The following TTC19 variants were observed in gnomAD, a reference collection of about 807,000 sequenced individuals.
TTC19 encodes tetratricopeptide repeat protein 19, mitochondrial.
A neutral mutation model predicts 49.5 loss-of-function variants in TTC19; 38 were observed. The observed-to-expected ratio is 0.77, with a 90% CI of 0.59 to 1.01. The LOEUF is 1.01. Ranked by LOEUF, TTC19 falls within the 50% of genes least tolerant of loss-of-function variation. The pLI, the probability that TTC19 is intolerant of heterozygous loss-of-function variation, is 0.00. For missense variants in TTC19, 475 were observed against 477.7 expected (o/e 0.99, Z 0.05); for synonymous variants, 204 against 185.2 (o/e 1.10, Z -0.83).
At position 15,999,894 on chromosome 17, in the gene TTC19, G is replaced by C. The variant is rs1282421008; in HGVS notation, c.46G>C (p.Ala16Pro). The part of the protein sequence containing the change: ...SWSLGRGFLR[A>P]AGRRCRGCSA... ...GAGCCTGGGCCGAGGCTTCCTGCGG[G>C]CCGCGGGGCGGCGGTGCCGGGGCTG... is the stretch of plus-strand genomic sequence containing the variant. Residue 16 changes from alanine (A) to proline (P), a missense_variant, in exon 1 of 10, where the codon GCC becomes CCC. By Grantham distance (27) the Ala-to-Pro change is conservative. Coordinates refer to ENST00000261647, the MANE Select transcript of TTC19 (RefSeq NM_017775.4). The C allele has an allele frequency of 2.1e-6, 3 of 1,400,454 alleles. No homozygotes were observed. Among genetic ancestry groups the C allele is most frequent in the Non-Finnish European group, 1.8e-6 (2 of 1,086,832 alleles). The allele number at this position is 1,400,454 out of a possible 1,614,324, so 86.8% of individuals were successfully genotyped here. A position where few individuals can be genotyped will look rare whatever the true frequency, so the allele number is the denominator to read the frequency against.
chr17:16,004,490 AAACT>A (rs368552103), intron 6 of TTC19, among the ~76,000 whole-genome samples: 59 of 152,338 alleles, frequency 3.9e-4, no homozygotes, highest in Middle Eastern at 3.4e-3. Flanking sequence ...CCCTGTGACA[AAACT>A]AACTAAGTTT....
In TTC19 at chr17:16,021,231, C is replaced by CA. The variant is rs543199910; in HGVS notation, c.677-3778dup. Among the ~76,000 whole-genome samples, 1,059 of 151,900 alleles carry CA rather than the reference C, an allele frequency of 7.0e-3. 8 individuals carry two copies. The highest frequency in any genetic ancestry group is 0.024 in the African/African-American group (999 of 41,436). Reference sequence around the variant, plus strand: ...TGAAACCCCGTCTCTAATAAAAATACAAAAAAAATTTAGCTGGGCGTGGTG... The same window carrying CA: ...TGAAACCCCGTCTCTAATAAAAATACAAAAAAAAATTTAGCTGGGCGTGGTG... On this transcript the variant is annotated intron_variant, in intron 7 of 9. Transcript: ENST00000261647.
At position 16,003,276 on chromosome 17, in the gene TTC19, G is replaced by A. The variant is rs567694053; in HGVS notation, c.462+445G>A. On this transcript the variant is annotated intron_variant, in intron 4 of 9. Transcript: ENST00000261647. ...TGACTGAATTTTTTTTTTAAGATAA[G>A]GTCTTGCTCTGTTGCCCAGGTTGGA... Among the ~76,000 whole-genome samples the A allele has an allele frequency of 3.9e-5, 6 of 152,070 alleles. No homozygotes were observed. In the South Asian group the frequency reaches 1.2e-3, roughly 32 times the overall value.
intron 7 of TTC19, among the ~76,000 whole-genome samples, chr17:16,008,935 G>A (rs1217027882): frequency 6.6e-6 from 1 of 152,050 alleles, no homozygotes; most frequent in African/African-American, 2.4e-5. Flanking sequence ...TTGTGTGCTT[G>A]TGTTTCTCCA....
At chr17:16,041,467 G>T (rs970072706) in intron 2 of TTC19, among the ~76,000 whole-genome samples, 2 of 142,634 alleles carry the variant, frequency 1.4e-5, no homozygotes, top group Admixed American at 1.5e-4. Flanking sequence ...AGGCTGGAGT[G>T]CAATGGCGTG....
At chr17:16,000,545 A>G in intron 2 of TTC19, 1 of 604,258 alleles carries the variant, frequency 1.7e-6, no homozygotes, top group South Asian at 3.0e-5. Context: ...TTATCAATTA[A>G]CCAGCCTATC....
chr17:16,013,718 C>T (rs747209775), intron 7 of TTC19, among the ~76,000 whole-genome samples: 5 of 152,192 alleles, frequency 3.3e-5, no homozygotes, highest in Non-Finnish European at 7.4e-5. Flanking sequence ...GGACAGTTGA[C>T]ACATGCTTCC....
chr17:16,017,861 G>A (rs1971261734), intron 7 of TTC19, among the ~76,000 whole-genome samples: 2 of 151,378 alleles, frequency 1.3e-5, no homozygotes, highest in African/African-American at 4.8e-5. Context: ...TTTGTTTTCA[G>A]TTCCTCTTAC....
intron 7 of TTC19, among the ~76,000 whole-genome samples, chr17:16,008,580 C>A (rs1277792691): frequency 6.6e-6 from 1 of 152,160 alleles, no homozygotes; most frequent in East Asian, 1.9e-4. Context: ...AATTTAGAAT[C>A]CCTGCATGGA....
chr17:16,035,530 C>G (rs915359849), intron 2 of TTC19, among the ~76,000 whole-genome samples: 1 of 118,340 alleles, frequency 8.5e-6, no homozygotes, highest in Non-Finnish European at 1.8e-5. Flanking sequence ...TTCTCTTGTT[C>G]TTTTTTTTTT....
intron 2 of TTC19, chr17:16,044,445 G>T: frequency 2.1e-6 from 1 of 472,006 alleles, no homozygotes; most frequent in Non-Finnish European, 4.4e-6. Context: ...CTTTTGACAG[G>T]ATCAGGAGAC....
chr17:16,040,454 T>A, intron 2 of TTC19: 1 of 1,613,818 alleles, frequency 6.2e-7, no homozygotes, highest in Non-Finnish European at 8.5e-7. Context: ...ACGTAGTAAC[T>A]GCTGGCAGAT....
chr17:16,023,037 T>C (rs1037742956), intron 7 of TTC19, among the ~76,000 whole-genome samples: 7 of 152,172 alleles, frequency 4.6e-5, no homozygotes, highest in African/African-American at 1.7e-4. Flanking sequence ...TTTAAGTAAA[T>C]TACTAGCAAA....
chr17:16,027,647 G>A lies in TTC19; in HGVS notation c.*125G>A, dbSNP rs769821590. 10 of 1,193,856 alleles carry A rather than the reference G, an allele frequency of 8.4e-6. No homozygotes were observed. The highest frequency in any genetic ancestry group is 1.5e-5 in the African/African-American group (1 of 66,120). The allele number at this position is 1,193,856 out of a possible 1,614,324, so 74.0% of individuals were successfully genotyped here. On this transcript the variant is annotated 3_prime_UTR_variant, in exon 10 of 10. Transcript: ENST00000261647. ...TTGATATTCAGGTTTCCTCAATTTAGCCTTAGTGAAGGAGGGGTTGTACAC... is the reference window on the plus strand; with the variant it reads ...TTGATATTCAGGTTTCCTCAATTTAACCTTAGTGAAGGAGGGGTTGTACAC...
chr17:16,004,521 G>C (rs938669622), intron 6 of TTC19, among the ~76,000 whole-genome samples: 1 of 152,194 alleles, frequency 6.6e-6, no homozygotes, highest in African/African-American at 2.4e-5. Context: ...GCTGCTTGAA[G>C]TGGGAAGGGA....
downstream of TTC19, chr17:16,031,602 GAAAA>G (rs984623762): frequency 3.9e-5 from 8 of 203,110 alleles, no homozygotes; most frequent in Non-Finnish European, 7.9e-5. Context: ...TGCTACTAAT[GAAAA>G]AAAAAAATTA....
chr17:16,026,918 A>G (rs775941162), intron 9 of TTC19: 1 of 624,450 alleles, frequency 1.6e-6, no homozygotes, highest in Non-Finnish European at 2.9e-6. Context: ...AGCCTGTCGA[A>G]CCCCATCAAG....
rs1052603300 is a variant in TTC19 at position 16,004,190 on chromosome 17, T to C, written c.520-11T>C. 4 of 1,613,714 alleles carry C rather than the reference T, an allele frequency of 2.5e-6. No individual in the cohort carries two copies. Among genetic ancestry groups the C allele is most frequent in the Non-Finnish European group, 3.4e-6 (4 of 1,179,664 alleles). ...TTGTTATGAGTTCCCTTCATTCTCT[T>C]TCTCTCACAGGAGGACAATGCAATA... On this transcript the variant is annotated splice_polypyrimidine_tract_variant and intron_variant, in intron 5 of 9. Transcript: ENST00000261647.
chr17:16,002,436 C>A (rs747661939), intron 3 of TTC19, among the ~76,000 whole-genome samples: 5 of 152,142 alleles, frequency 3.3e-5, no homozygotes, highest in Non-Finnish European at 7.4e-5. Flanking sequence ...CTTGGCCTCC[C>A]AAAGTGCTGA....
Sources: gnomAD v4.1 joint callset for allele counts (sites outside exome capture counted in the v4.1 genomes callset) on GRCh38, gnomAD v4.1.1 for gene constraint, MANE v1.5 for transcripts, NCBI Gene and HGNC (gene_info 2026-07-23, HGNC 2026-07-21) for gene names.